OPCML: variants seen among roughly 807,000 people sequenced by gnomAD.
The protein encoded by OPCML is opioid binding protein/cell adhesion molecule like.
OPCML carries 13 observed loss-of-function variants against 37.8 expected under a neutral mutation model. The ratio of observed to expected loss-of-function variants is 0.34; its 90% CI spans 0.22 to 0.55. The LOEUF is 0.55. Among genes scored for constraint, OPCML ranks in the 20% least tolerant of loss-of-function variants. The pLI, the probability that OPCML is intolerant of heterozygous loss-of-function variation, is 0.91. For synonymous variants in OPCML, 176 were observed against 168.8 expected, an observed-to-expected ratio of 1.04 and a Z score of -0.33; for missense variants, 341 against 435.6, an observed-to-expected ratio of 0.78 and a Z score of 1.93.
intron 2 of OPCML, among the ~76,000 whole-genome samples, chr11:132,890,575 G>A (rs1442907127): frequency 1.3e-5 from 2 of 151,708 alleles, no homozygotes; most frequent in Non-Finnish European, 2.9e-5. Context: ...GGCCAGGCAC[G>A]GTGGCTCATG....
At chr11:132,615,097 G>A (rs1407140301) in intron 3 of OPCML, among the ~76,000 whole-genome samples, 1 of 152,204 alleles carries the variant, frequency 6.6e-6, no homozygotes, top group East Asian at 1.9e-4. Context: ...CAAGGAGCTT[G>A]CGTTTTTATT....
At chr11:133,373,448 T>TATATATATATATATATATATATACAC (rs966091785) in intron 1 of OPCML, among the ~76,000 whole-genome samples, 1 of 132,176 alleles carries the variant, frequency 7.6e-6, no homozygotes, top group African/African-American at 3.1e-5. Flanking sequence ...TATATATATA[T>TATATATATATATATATATATATACAC]ACACACACAC....
chr11:132,605,776 C>T (rs577974492), intron 3 of OPCML, among the ~76,000 whole-genome samples: 1 of 152,290 alleles, frequency 6.6e-6, no homozygotes, highest in East Asian at 1.9e-4. Flanking sequence ...TCCTTGAGAA[C>T]ACAGGTTTGT....
intron 1 of OPCML, among the ~76,000 whole-genome samples, chr11:133,306,883 A>C (rs2136580970): frequency 6.6e-6 from 1 of 152,344 alleles, no homozygotes; most frequent in Admixed American, 6.5e-5. Flanking sequence ...TAACCAAGAC[A>C]CATACAGCTG....
intron 1 of OPCML, among the ~76,000 whole-genome samples, chr11:133,278,094 G>A (rs1003177608): frequency 1.3e-5 from 2 of 152,124 alleles, no homozygotes; most frequent in African/African-American, 4.8e-5. Context: ...CTGGATATCC[G>A]TTGTCCCACT....
chr11:132,642,958 T>C (rs1793281), intron 3 of OPCML, among the ~76,000 whole-genome samples: 121,220 of 152,070 alleles, frequency 0.8, 48,967 homozygotes, highest in African/African-American at 0.93. Context: ...ACTTGGAAAA[T>C]GCAAGCCCAA....
chr11:132,454,958 T>C (rs1366801656), intron 4 of OPCML, among the ~76,000 whole-genome samples: 1 of 152,208 alleles, frequency 6.6e-6, no homozygotes, highest in Non-Finnish European at 1.5e-5. Context: ...GTATAACATC[T>C]GACTAACCTT....
At chr11:133,109,625 T>G (rs1038120377) in intron 1 of OPCML, among the ~76,000 whole-genome samples, 2 of 152,138 alleles carry the variant, frequency 1.3e-5, no homozygotes, top group Non-Finnish European at 2.9e-5. Context: ...GTTCTCCAAG[T>G]TCCCACTCGA....
chr11:132,489,753 A>G (rs1345062077), intron 4 of OPCML, among the ~76,000 whole-genome samples: 2 of 152,122 alleles, frequency 1.3e-5, no homozygotes, highest in Non-Finnish European at 2.9e-5. Context: ...TACATGTGAC[A>G]TGGTGGTTTG....
chr11:132,947,061 G>C (rs560454998), intron 1 of OPCML, among the ~76,000 whole-genome samples: 1 of 152,260 alleles, frequency 6.6e-6, no homozygotes, highest in Non-Finnish European at 1.5e-5. Context: ...TCGCAGCTCT[G>C]CCACTTGGTT....
chr11:132,950,806 C>G (rs1308761966), intron 1 of OPCML, among the ~76,000 whole-genome samples: 4 of 152,184 alleles, frequency 2.6e-5, no homozygotes, highest in South Asian at 2.1e-4. Flanking sequence ...TTAGTTGTCT[C>G]TTAATATATC....
At chr11:132,460,797 C>T (rs755120846) in intron 4 of OPCML, among the ~76,000 whole-genome samples, 5 of 152,250 alleles carry the variant, frequency 3.3e-5, no homozygotes, top group South Asian at 2.1e-4. Flanking sequence ...ACATATACTA[C>T]GTTTAACAAG....
At chr11:132,776,779 G>T (rs1296778667) in intron 2 of OPCML, among the ~76,000 whole-genome samples, 1 of 152,048 alleles carries the variant, frequency 6.6e-6, no homozygotes, top group African/African-American at 2.4e-5. Context: ...CACAAGAATG[G>T]ACTGACACAG....
rs141015576 is a variant in OPCML at position 133,063,095 on chromosome 11, C to T, written c.62-120085G>A. Among the ~76,000 whole-genome samples, 683 of 152,328 alleles carry T rather than the reference C, an allele frequency of 4.5e-3. 12 individuals are homozygous for T. Among genetic ancestry groups the T allele is most frequent in the African/African-American group, 0.016 (663 of 41,570 alleles). On this transcript the variant is annotated intron_variant, in intron 1 of 7. Transcript: ENST00000524381. ...GTCTCAGCACGTGCTGTGAGTTCTA[C>T]CGGTCAGTCCAGAGACCAGCCTTCG...
At chr11:133,376,194 T>C (rs1450918010) in intron 1 of OPCML, among the ~76,000 whole-genome samples, 1 of 95,206 alleles carries the variant, frequency 1.1e-5, no homozygotes, top group Non-Finnish European at 1.9e-5. Flanking sequence ...ATTGCAATAC[T>C]TTTTTTTAAT....
At chr11:132,469,885 T>C (rs115190127) in intron 4 of OPCML, among the ~76,000 whole-genome samples, 49,771 of 113,314 alleles carry the variant, frequency 0.44, 11,453 homozygotes, top group East Asian at 0.86. Flanking sequence ...GTGTGGGAGG[T>C]GTGTGTGTGT....
chr11:132,466,353 G>A (rs1314413951), intron 4 of OPCML, among the ~76,000 whole-genome samples: 3 of 151,772 alleles, frequency 2.0e-5, no homozygotes, highest in Admixed American at 1.3e-4. Flanking sequence ...GTGTGGTGGC[G>A]GGCGCCTGTA....
chr11:133,140,994 A>AGAAGACGAAGAC (rs1198377573), intron 1 of OPCML, among the ~76,000 whole-genome samples: 1 of 4,084 alleles, frequency 2.4e-4, no homozygotes, highest in African/African-American at 4.3e-4. Flanking sequence ...AAGAAGAAGA[A>AGAAGACGAAGAC]GAAGACGACG....
At chr11:133,058,616 T>G (rs1320248545) in intron 1 of OPCML, among the ~76,000 whole-genome samples, 1 of 152,170 alleles carries the variant, frequency 6.6e-6, no homozygotes, top group Non-Finnish European at 1.5e-5. Context: ...AGGGCAGCTC[T>G]GGAGGGACCA....
Sources: gnomAD v4.1 joint callset for allele counts (sites outside exome capture counted in the v4.1 genomes callset) on GRCh38, gnomAD v4.1.1 for gene constraint, MANE v1.5 for transcripts, NCBI Gene and HGNC (gene_info 2026-07-23, HGNC 2026-07-21) for gene names.